Variants in INSC observed in about 807,000 individuals in gnomAD.
The protein encoded by INSC is protein inscuteable homolog.
INSC carries 67 observed loss-of-function variants against 58.6 expected under a neutral mutation model. The ratio of observed to expected loss-of-function variants is 1.14; its 90% CI spans 0.94 to 1.40. The LOEUF is 1.40. Among genes scored for constraint, INSC ranks in the 40% most tolerant of loss-of-function variants. INSC has a pLI of 0.00. For missense variants in INSC, 714 were observed against 692.0 expected (o/e 1.03, Z -0.36); for synonymous variants, 262 against 276.1 (o/e 0.95, Z 0.51).
chr11:15,166,349 T>A (rs1849196126), intron 2 of INSC, among the ~76,000 whole-genome samples: 1 of 152,280 alleles, frequency 6.6e-6, no homozygotes, highest in Non-Finnish European at 1.5e-5. Flanking sequence ...AAAAATGCCT[T>A]GAATGAGAAG....
the INSC span, among the ~76,000 whole-genome samples, chr11:15,252,224 G>T: frequency 0.012 from 1,754 of 152,256 alleles, 14 homozygotes; most frequent in Non-Finnish European, 0.02. Context: ...GGGGATTTGG[G>T]GAGGAGGAAT....
At position 15,176,152 on chromosome 11, in the gene INSC, T is replaced by C. The variant is rs990310918; in HGVS notation, c.402+66T>C. 7 of 1,296,412 alleles carry C rather than the reference T, an allele frequency of 5.4e-6. No homozygotes were observed. In the East Asian group the frequency reaches 1.0e-4, roughly 19 times the overall value. 80.3% of individuals were successfully genotyped at this position (1,296,412 alleles called of 1,614,324 possible). A position where few individuals can be genotyped will look rare whatever the true frequency, so the allele number is the denominator to read the frequency against. ...CAGGGTGCTTTAGAGAAGAGTGGGT[T>C]TGAATCATGTGGTGTCTGAATCTTT... On this transcript the variant is annotated intron_variant, in intron 3 of 12. Transcript: ENST00000379556.
chr11:15,242,104 G>A (rs1852377873), intron 12 of INSC, among the ~76,000 whole-genome samples: 1 of 152,190 alleles, frequency 6.6e-6, no homozygotes, highest in Non-Finnish European at 1.5e-5. Flanking sequence ...TCTTAATTCT[G>A]CCTGTTCTAG....
At chr11:15,201,314 G>A (rs1032440389) in intron 7 of INSC, among the ~76,000 whole-genome samples, 3 of 152,102 alleles carry the variant, frequency 2.0e-5, no homozygotes, top group African/African-American at 7.2e-5. Context: ...TCCTAAAGAC[G>A]GAAGAGGATC....
At chr11:15,180,055 A>G (rs1849708671) in intron 5 of INSC, among the ~76,000 whole-genome samples, 1 of 152,108 alleles carries the variant, frequency 6.6e-6, no homozygotes, top group Non-Finnish European at 1.5e-5. Context: ...AGGAGATCGA[A>G]ACCATCCTGG....
the INSC span, among the ~76,000 whole-genome samples, chr11:15,255,274 A>G: frequency 6.6e-6 from 1 of 152,232 alleles, no homozygotes; most frequent in Admixed American, 6.5e-5. Context: ...TTAATTAGTT[A>G]ATTCTTAAGC....
intron 7 of INSC, among the ~76,000 whole-genome samples, chr11:15,203,070 G>C (rs1324074511): frequency 1.3e-5 from 2 of 152,190 alleles, no homozygotes; most frequent in African/African-American, 4.8e-5. Flanking sequence ...AGCACTATTA[G>C]TATCTCCATC....
chr11:15,178,193 C>T lies in INSC; in HGVS notation c.456-131C>T, dbSNP rs140919365. ...GCAAGCCAGCTGTGGAATATTCCAT[C>T]TCTGACTCCCAGTTGCCAATGTCTT... On this transcript the variant is annotated intron_variant, in intron 4 of 12. Transcript: ENST00000379556. 1.3e-4 allele frequency: 154 copies of T among 1,230,232 alleles called. 2 individuals are homozygous for T. The East Asian group carries it at 3.6e-3, about 29-fold the overall frequency. The allele number at this position is 1,230,232 out of a possible 1,614,324, so 76.2% of individuals were successfully genotyped here.
chr11:15,151,890 T>C (rs990406387), intron 2 of INSC, among the ~76,000 whole-genome samples: 2 of 152,086 alleles, frequency 1.3e-5, no homozygotes, highest in Non-Finnish European at 2.9e-5. Flanking sequence ...CCACAAATCA[T>C]CTATGGCATT....
chr11:15,228,307 C>T (rs1284553899), intron 9 of INSC, among the ~76,000 whole-genome samples: 1 of 152,184 alleles, frequency 6.6e-6, no homozygotes, highest in Non-Finnish European at 1.5e-5. Context: ...GAATGACTAG[C>T]CCCCTCTTGA....
intron 2 of INSC, among the ~76,000 whole-genome samples, chr11:15,171,711 A>T (rs1849405352): frequency 6.6e-6 from 1 of 152,172 alleles, no homozygotes; most frequent in South Asian, 2.1e-4. Context: ...GTCTTAGAAA[A>T]TGTTCTTTTG....
At chr11:15,229,989 ATATATATAT>A (rs1564917417) in intron 9 of INSC, among the ~76,000 whole-genome samples, 1 of 30,286 alleles carries the variant, frequency 3.3e-5, no homozygotes, top group Non-Finnish European at 5.3e-5. Flanking sequence ...TTATATATAT[ATATATATAT>A]ATATATATAT....
At chr11:15,193,705 G>T (rs1850266390) in intron 6 of INSC, among the ~76,000 whole-genome samples, 1 of 152,170 alleles carries the variant, frequency 6.6e-6, no homozygotes. Context: ...TGGACATTTG[G>T]GTTGGTTCCA....
Position 15,190,722 on chromosome 11 carries a change from G to A in INSC, c.601G>A (p.Ala201Thr). The A allele has an allele frequency of 6.2e-7, 1 of 1,613,722 alleles. No individual in the cohort carries two copies. The highest frequency in any genetic ancestry group is 8.5e-7 in the Non-Finnish European group (1 of 1,179,686). Residue 201 changes from alanine (A) to threonine (T), a missense_variant, in exon 6 of 13, where the codon GCC becomes ACC. Physicochemically the swap from Ala to Thr is moderately conservative, Grantham distance 58. Coordinates refer to ENST00000379556, the MANE Select transcript of INSC (RefSeq NM_001042536.3). ...EVQALVRKIDASDNIYTTEST... is the reference protein window; with the variant it reads ...EVQALVRKIDTSDNIYTTEST... ...TTAGGCACTGGTGAGAAAAATTGATGCCTCAGACAATATCTACACCACAGA... is the reference window on the plus strand; with the variant it reads ...TTAGGCACTGGTGAGAAAAATTGATACCTCAGACAATATCTACACCACAGA...
chr11:15,237,815 TG>T (rs1161474740), intron 10 of INSC, among the ~76,000 whole-genome samples: 2 of 152,196 alleles, frequency 1.3e-5, no homozygotes, highest in Admixed American at 1.3e-4. Flanking sequence ...AACAATTTGT[TG>T]TGCAGAAATG....
intron 1 of INSC, among the ~76,000 whole-genome samples, chr11:15,121,560 C>G (rs1847875396): frequency 6.6e-6 from 1 of 152,148 alleles, no homozygotes. Flanking sequence ...GCCAGTTTCT[C>G]CACTGCAAAA....
the INSC span, among the ~76,000 whole-genome samples, chr11:15,255,623 T>C: frequency 6.6e-6 from 1 of 152,220 alleles, no homozygotes; most frequent in East Asian, 1.9e-4. Context: ...TACAATCTTG[T>C]CTTCTTTAAC....
intron 5 of INSC, chr11:15,188,263 C>A (rs955742319): frequency 2.0e-6 from 2 of 985,448 alleles, no homozygotes; most frequent in Non-Finnish European, 2.4e-6. Flanking sequence ...GACCCACTCT[C>A]CTATTTGGCA....
At chr11:15,144,127 T>C (rs572303100) in intron 1 of INSC, among the ~76,000 whole-genome samples, 1 of 152,332 alleles carries the variant, frequency 6.6e-6, no homozygotes, top group African/African-American at 2.4e-5. Context: ...AGTGCCTGGC[T>C]TTTTAAGTTT....
Sources: allele counts gnomAD v4.1 joint callset (sites outside exome capture counted in the v4.1 genomes callset), GRCh38; gene constraint gnomAD v4.1.1; transcripts MANE v1.5; gene names NCBI Gene and HGNC (gene_info 2026-07-23, HGNC 2026-07-21).